CENPK: variants seen among roughly 807,000 people sequenced by gnomAD.
The protein encoded by CENPK is centromere protein K.
A neutral mutation model predicts 40.9 loss-of-function variants in CENPK; 46 were observed. The observed-to-expected ratio is 1.13, with a 90% CI of 0.89 to 1.44. CENPK has a LOEUF of 1.44. CENPK is among the 40% of genes most tolerant of loss of function. The probability of loss-of-function intolerance (pLI) is 0.00; values close to 1 mark genes in which losing one functional copy is unlikely to be tolerated. For synonymous variants in CENPK, 107 were observed against 104.4 expected, an observed-to-expected ratio of 1.02 and a Z score of -0.15; for missense variants, 288 against 303.5, an observed-to-expected ratio of 0.95 and a Z score of 0.38.
At position 65,554,842 on chromosome 5, in the gene CENPK, T is replaced by C. The variant is rs1423115596; in HGVS notation, c.66A>G (p.Glu22=). The C allele has an allele frequency of 6.2e-7, 1 of 1,604,822 alleles. No homozygotes were observed. Among genetic ancestry groups the C allele is most frequent in the South Asian group, 1.1e-5 (1 of 90,834 alleles). ...TDVGDVTNTE[E]ELIRECEEMW... ...TTTCTTCACATTCTCTAATAAGTTC[T>C]TCTTCAGTATTTGTAACATCTCCCA... Residue 22 remains glutamate (E), a synonymous_variant, in exon 3 of 11, where the codon GAA becomes GAG. Coordinates refer to ENST00000396679, the MANE Select transcript of CENPK (RefSeq NM_022145.5).
At chr5:65,513,233 C>A (rs1742641302), downstream of CENPK, among the ~76,000 whole-genome samples, 1 of 152,088 alleles carries the variant, frequency 6.6e-6, no homozygotes, top group Non-Finnish European at 1.5e-5. Context: ...AAAAAGTCAT[C>A]GCCAAAGTCA....
At position 65,518,324 on chromosome 5, in the gene CENPK, T is replaced by C; in HGVS notation, c.*151A>G. Reference sequence around the variant, plus strand: ...TAAGAAATGACCATTTAAAAATGAATAATAGATGGCAGCACATGCCATTTT... The same window carrying C: ...TAAGAAATGACCATTTAAAAATGAACAATAGATGGCAGCACATGCCATTTT... On this transcript the variant is annotated 3_prime_UTR_variant, in exon 11 of 11. Transcript: ENST00000396679. 1.5e-6 allele frequency: 1 copy of C among 682,414 alleles called. No individual in the cohort carries two copies. The highest frequency in any genetic ancestry group is 2.0e-5 in the South Asian group (1 of 50,208). The allele number at this position is 682,414 out of a possible 1,614,324, so 42.3% of individuals were successfully genotyped here.
intron 6 of CENPK, among the ~76,000 whole-genome samples, chr5:65,533,549 T>C (rs765553735): frequency 6.6e-6 from 1 of 152,016 alleles, no homozygotes; most frequent in Non-Finnish European, 1.5e-5. Context: ...TTCTATTCAA[T>C]ATTTTACTGA....
chr5:65,516,963 A>C (rs188347454), downstream of CENPK, among the ~76,000 whole-genome samples: 254 of 151,312 alleles, frequency 1.7e-3, 2 homozygotes, highest in East Asian at 0.024. Flanking sequence ...TTTTCTTTTG[A>C]GACGGAGTTT....
chr5:65,553,407 C>T (rs573188467), intron 3 of CENPK, among the ~76,000 whole-genome samples: 1 of 151,858 alleles, frequency 6.6e-6, no homozygotes, highest in Admixed American at 6.6e-5. Flanking sequence ...AAGTTTGTGT[C>T]GTGCTGCATT....
At chr5:65,549,186 C>G (rs2150498315) in intron 5 of CENPK, among the ~76,000 whole-genome samples, 1 of 152,174 alleles carries the variant, frequency 6.6e-6, no homozygotes, top group East Asian at 1.9e-4. Context: ...AGATGGGGAG[C>G]AGTAATATTT....
chr5:65,512,777 CT>C (rs1217489231), downstream of CENPK, among the ~76,000 whole-genome samples: 4 of 152,140 alleles, frequency 2.6e-5, no homozygotes. Context: ...CTATATTTAG[CT>C]TTGTAAAAAA....
the CENPK span, among the ~76,000 whole-genome samples, chr5:65,507,465 T>C: frequency 1.3e-5 from 2 of 152,224 alleles, no homozygotes; most frequent in Admixed American, 6.5e-5. Flanking sequence ...CTGTTTGCCT[T>C]GGCTATCTTT....
intron 3 of CENPK, 106 bp downstream of exon 3, chr5:65,554,691 T>A: frequency 1.4e-6 from 1 of 699,046 alleles, no homozygotes; most frequent in Non-Finnish European, 2.5e-6. Flanking sequence ...TTATCATACA[T>A]AATGGCTTTT....
chr5:65,542,262 A>G (rs903623782), intron 6 of CENPK, among the ~76,000 whole-genome samples: 2 of 152,212 alleles, frequency 1.3e-5, no homozygotes, highest in Admixed American at 1.3e-4. Flanking sequence ...TGTGAAGTTT[A>G]ACTAAAAACT....
intron 2 of CENPK, among the ~76,000 whole-genome samples, chr5:65,560,781 TATG>T (rs1180741572): frequency 6.6e-6 from 1 of 152,224 alleles, no homozygotes; most frequent in East Asian, 1.9e-4. Flanking sequence ...AATCACTTTG[TATG>T]ATAATATCCA....
intron 9 of CENPK, among the ~76,000 whole-genome samples, chr5:65,523,054 T>C (rs779677328): frequency 6.6e-6 from 1 of 152,250 alleles, no homozygotes; most frequent in Non-Finnish European, 1.5e-5. Context: ...TAATGTATTC[T>C]GTATGTATGT....
chr5:65,510,852 T>C, the CENPK span, among the ~76,000 whole-genome samples: 3 of 151,772 alleles, frequency 2.0e-5, no homozygotes, highest in African/African-American at 7.3e-5. Flanking sequence ...ATCATGGGAA[T>C]GGGACTGGTG....
intron 6 of CENPK, among the ~76,000 whole-genome samples, chr5:65,537,907 A>C (rs921098020): frequency 6.6e-5 from 10 of 152,178 alleles, no homozygotes; most frequent in African/African-American, 2.4e-4. Flanking sequence ...GGATACATAC[A>C]TGTTTTCATT....
At chr5:65,507,314 T>C in the CENPK span, among the ~76,000 whole-genome samples, 1 of 152,192 alleles carries the variant, frequency 6.6e-6, no homozygotes, top group Admixed American at 6.5e-5. Context: ...GGATCAAATA[T>C]ATTCTTTAAT....
At chr5:65,509,181 G>C in the CENPK span, among the ~76,000 whole-genome samples, 1 of 152,070 alleles carries the variant, frequency 6.6e-6, no homozygotes, top group Non-Finnish European at 1.5e-5. Context: ...TAGTGCATTT[G>C]GGTTTTGCTT....
At chr5:65,527,885 T>C (rs1307120058) in intron 9 of CENPK, among the ~76,000 whole-genome samples, 1 of 152,164 alleles carries the variant, frequency 6.6e-6, no homozygotes, top group Admixed American at 6.6e-5. Context: ...AGGTGTTCAA[T>C]ACATTATATG....
At chr5:65,516,040 G>A (rs1224758729), downstream of CENPK, among the ~76,000 whole-genome samples, 3 of 152,134 alleles carry the variant, frequency 2.0e-5, no homozygotes, top group African/African-American at 7.2e-5. Context: ...CTTCTTATAA[G>A]GGCACTAACC....
Position 65,529,030 on chromosome 5 carries a change from A to G in CENPK, c.372-13T>C. The G allele has an allele frequency of 6.3e-7, 1 of 1,586,666 alleles. No individual in the cohort carries two copies. The highest frequency in any genetic ancestry group is 8.6e-7 in the Non-Finnish European group (1 of 1,158,380). On this transcript the variant is annotated splice_polypyrimidine_tract_variant and intron_variant, in intron 7 of 10. Coordinates refer to ENST00000396679, the MANE Select transcript of CENPK (RefSeq NM_022145.5). The stretch of plus-strand genomic sequence containing the variant: ...CCACCGTTGTTCCCTTTCGACATGG[A>G]AAAACAATACAAGCAATATCTAAAT...
Sources: allele counts gnomAD v4.1 joint callset (sites outside exome capture counted in the v4.1 genomes callset), GRCh38; gene constraint gnomAD v4.1.1; transcripts MANE v1.5; gene names NCBI Gene and HGNC (gene_info 2026-07-23, HGNC 2026-07-21).